Variants in CMIP observed in about 807,000 individuals in gnomAD.
CMIP encodes the protein C-Maf-inducing protein.
CMIP carries 13 observed loss-of-function variants against 97.3 expected under a neutral mutation model. That is an observed-to-expected ratio of 0.13 (90% CI 0.09 to 0.21). The LOEUF is 0.21. Ranked by LOEUF, CMIP falls within the 10% of genes least tolerant of loss-of-function variation. The pLI, the probability that CMIP is intolerant of heterozygous loss-of-function variation, is 1.00. For synonymous variants in CMIP, 538 were observed against 436.3 expected (o/e 1.23, Z -2.91); for missense variants, 847 against 1,024.9 (o/e 0.83, Z 2.37).
In CMIP at chr16:81,607,358, G is replaced by T. The variant is rs187589380; in HGVS notation, c.301-209G>T. The stretch of plus-strand genomic sequence containing the variant: ...TAACTCTGCACCTCCAAACGTGTGG[G>T]TGGAGTTTTACAGTGAACCCCCTTG... On this transcript the variant is annotated intron_variant, in intron 1 of 20. Coordinates refer to ENST00000537098, the MANE Select transcript of CMIP (RefSeq NM_198390.3). Among the ~76,000 whole-genome samples the T allele has an allele frequency of 3.3e-3, 508 of 152,344 alleles. 1 individual carries two copies. The highest frequency in any genetic ancestry group is 0.01 in the African/African-American group (424 of 41,586).
At chr16:81,548,114 A>G (rs2090583781) in intron 1 of CMIP, among the ~76,000 whole-genome samples, 2 of 149,518 alleles carry the variant, frequency 1.3e-5, no homozygotes, top group Middle Eastern at 7.1e-3. Flanking sequence ...CTCTACTGAC[A>G]TCTAAGGATG....
At chr16:81,593,608 T>C (rs2091499559) in intron 1 of CMIP, among the ~76,000 whole-genome samples, 1 of 152,222 alleles carries the variant, frequency 6.6e-6, no homozygotes. Context: ...AAAGCTCTTT[T>C]TTCTTGTTGA....
At chr16:81,591,539 C>G (rs2091466996) in intron 1 of CMIP, among the ~76,000 whole-genome samples, 1 of 152,136 alleles carries the variant, frequency 6.6e-6, no homozygotes, top group South Asian at 2.1e-4. Flanking sequence ...GGATGAAGCT[C>G]TCAGACATCA....
At chr16:81,553,705 T>G (rs932668035) in intron 1 of CMIP, among the ~76,000 whole-genome samples, 2 of 152,364 alleles carry the variant, frequency 1.3e-5, no homozygotes, top group Admixed American at 6.5e-5. Context: ...AGATGCCATT[T>G]GTGTTTTCTC....
At chr16:81,639,914 G>T (rs1362080308) in intron 3 of CMIP, among the ~76,000 whole-genome samples, 1 of 152,152 alleles carries the variant, frequency 6.6e-6, no homozygotes, top group African/African-American at 2.4e-5. Flanking sequence ...TCAGCACAGG[G>T]CCCAGTACAT....
At chr16:81,592,309 G>A (rs1349207775) in intron 1 of CMIP, among the ~76,000 whole-genome samples, 2 of 152,188 alleles carry the variant, frequency 1.3e-5, no homozygotes, top group Non-Finnish European at 2.9e-5. Context: ...AGACATCCTT[G>A]TACCCAAGCC....
intron 2 of CMIP, among the ~76,000 whole-genome samples, chr16:81,615,914 A>G (rs2091911614): frequency 6.6e-6 from 1 of 152,124 alleles, no homozygotes; most frequent in Non-Finnish European, 1.5e-5. Flanking sequence ...CCGTGGACAA[A>G]CATGGCTGAA....
intron 1 of CMIP, among the ~76,000 whole-genome samples, chr16:81,565,653 T>G (rs573705659): frequency 1.3e-5 from 2 of 152,252 alleles, no homozygotes; most frequent in East Asian, 3.9e-4. Context: ...GTGGTAACCG[T>G]GGCATCCTCA....
At chr16:81,632,007 C>T (rs2092168183) in intron 3 of CMIP, 1 of 152,114 alleles carries the variant, frequency 6.6e-6, no homozygotes, top group Non-Finnish European at 1.5e-5. Flanking sequence ...TTCCCACTAT[C>T]CCTAAATCTC....
chr16:81,612,954 T>C (rs1347061017), intron 2 of CMIP, among the ~76,000 whole-genome samples: 5 of 152,126 alleles, frequency 3.3e-5, no homozygotes, highest in Non-Finnish European at 7.4e-5. Context: ...AGCAGGACAG[T>C]ATGGGGACTC....
At chr16:81,676,419 CAACTT>C (rs547374651) in intron 9 of CMIP, among the ~76,000 whole-genome samples, 26 of 152,212 alleles carry the variant, frequency 1.7e-4, no homozygotes, top group African/African-American at 6.0e-4. Context: ...AAAGAACAGA[CAACTT>C]GACCCAGGTT....
At chr16:81,518,917 A>C (rs922244927) in intron 1 of CMIP, 5 of 150,252 alleles carry the variant, frequency 3.3e-5, no homozygotes, top group East Asian at 4.0e-4. Context: ...ACTGACTGCA[A>C]CCTCCGCCTC....
intron 1 of CMIP, among the ~76,000 whole-genome samples, chr16:81,472,246 A>G (rs913438308): frequency 1.2e-4 from 18 of 152,226 alleles, no homozygotes; most frequent in Admixed American, 7.9e-4. Context: ...TTCCTCGTCT[A>G]TAAGATGAGA....
chr16:81,578,367 TAC>T (rs2091238178), intron 1 of CMIP, among the ~76,000 whole-genome samples: 1 of 152,218 alleles, frequency 6.6e-6, no homozygotes, highest in Non-Finnish European at 1.5e-5. Context: ...TCATAAAGAG[TAC>T]AGAGTCCCTT....
intron 1 of CMIP, among the ~76,000 whole-genome samples, chr16:81,465,358 AGGGAG>A (rs1239886607): frequency 6.6e-6 from 1 of 152,068 alleles, no homozygotes; most frequent in Non-Finnish European, 1.5e-5. Flanking sequence ...CCTGCTGTGG[AGGGAG>A]GGGATGCCAG....
chr16:81,652,189 T>C lies in CMIP; in HGVS notation c.478-14T>C. On this transcript the variant is annotated splice_polypyrimidine_tract_variant and intron_variant, in intron 3 of 20. Transcript: ENST00000537098. The surrounding 1 kb of genome is among the most constrained non-coding windows in gnomAD (Gnocchi z 5.2). ...TGAGTAACATGTTGCTGTCTCTTTA[T>C]CTCTTTCAACCAGAAAAAGATTTAC... 1 of 1,605,336 alleles carries C rather than the reference T, an allele frequency of 6.2e-7. No homozygotes were observed. Among genetic ancestry groups the C allele is most frequent in the Non-Finnish European group, 8.5e-7 (1 of 1,172,694 alleles).
chr16:81,548,056 C>A (rs1446049667), intron 1 of CMIP, among the ~76,000 whole-genome samples: 1 of 152,072 alleles, frequency 6.6e-6, no homozygotes, highest in Non-Finnish European at 1.5e-5. Context: ...CTAGGGCTTA[C>A]CTTGACCCAA....
At chr16:81,482,634 A>T (rs2089243905) in intron 1 of CMIP, among the ~76,000 whole-genome samples, 4 of 152,172 alleles carry the variant, frequency 2.6e-5, no homozygotes, top group Non-Finnish European at 1.5e-5. Context: ...TCCCCCACCT[A>T]GGAGCTTCCC....
intron 1 of CMIP, among the ~76,000 whole-genome samples, chr16:81,579,027 T>A (rs2091250767): frequency 6.6e-6 from 1 of 152,204 alleles, no homozygotes; most frequent in South Asian, 2.1e-4. Context: ...GAAAGCAATT[T>A]GCCTCTCCTG....
Sources: allele counts gnomAD v4.1 joint callset (sites outside exome capture counted in the v4.1 genomes callset), GRCh38; gene constraint gnomAD v4.1.1; non-coding constraint Gnocchi (gnomAD v3.1); transcripts MANE v1.5; gene names NCBI Gene and HGNC (gene_info 2026-07-23, HGNC 2026-07-21).